The following DPYSL3 variants were observed in gnomAD, a reference collection of about 807,000 sequenced individuals.
The protein encoded by DPYSL3 is dihydropyrimidinase-related protein 3.
Under a neutral mutation model 66.1 loss-of-function variants are expected in DPYSL3, and 16 were observed. The ratio of observed to expected loss-of-function variants is 0.24; its 90% CI spans 0.16 to 0.37. The LOEUF is 0.37. DPYSL3 is among the 10% of genes least tolerant of loss of function. DPYSL3 has a pLI of 1.00. For synonymous variants in DPYSL3, 338 were observed against 345.1 expected, an observed-to-expected ratio of 0.98 and a Z score of 0.23; for missense variants, 738 against 916.2, an observed-to-expected ratio of 0.81 and a Z score of 2.51.
chr5:147,443,024 C>T (rs1005215216), intron 1 of DPYSL3, among the ~76,000 whole-genome samples: 2 of 152,162 alleles, frequency 1.3e-5, no homozygotes, highest in African/African-American at 4.8e-5. Flanking sequence ...TTGTGTCCCA[C>T]AGTAAAACAG....
chr5:147,411,013 C>T (rs1000832450), intron 6 of DPYSL3, among the ~76,000 whole-genome samples: 3 of 152,158 alleles, frequency 2.0e-5, no homozygotes, highest in African/African-American at 7.2e-5. Context: ...GATTGAAGTC[C>T]ATCTGCCTCC....
In DPYSL3 at chr5:147,392,612, A is replaced by G. The variant is rs911184698; in HGVS notation, c.*1423T>C. The G allele has an allele frequency of 1.3e-5, 2 of 152,228 alleles. No individual in the cohort carries two copies. The highest frequency in any genetic ancestry group is 2.9e-5 in the Non-Finnish European group (2 of 68,040). 9.4% of individuals were successfully genotyped at this position (152,228 alleles called of 1,614,324 possible). On this transcript the variant is annotated 3_prime_UTR_variant, in exon 14 of 14. Coordinates refer to ENST00000343218, the MANE Select transcript of DPYSL3 (RefSeq NM_001197294.2). ...TCTTGCTCACAGGACTTGCTCCAAA[A>G]CTGAATTTTCAGAAGCAGCATGATA...
chr5:147,471,180 G>A (rs1753081376), intron 1 of DPYSL3, among the ~76,000 whole-genome samples: 1 of 152,102 alleles, frequency 6.6e-6, no homozygotes, highest in South Asian at 2.1e-4. Flanking sequence ...AAGTACTAAT[G>A]GGGAGGAGGA....
rs576001769 is a variant in DPYSL3, at chr5:147,507,168, T to C, written c.381+2310A>G. On this transcript the variant is annotated intron_variant, in intron 1 of 13. Coordinates refer to ENST00000343218, the MANE Select transcript of DPYSL3 (RefSeq NM_001197294.2). Reference sequence around the variant, plus strand: ...TGTTTTTTATTAAGCTGCTGAGAGTTGGGGGTTGTTTGTTACTATGGCATC... The same window carrying C: ...TGTTTTTTATTAAGCTGCTGAGAGTCGGGGGTTGTTTGTTACTATGGCATC... Among the ~76,000 whole-genome samples the C allele has an allele frequency of 2.0e-5, 3 of 152,238 alleles. No individual in the cohort carries two copies. In the South Asian group the frequency reaches 6.2e-4, roughly 32 times the overall value.
At position 147,397,829 on chromosome 5, in the gene DPYSL3, ATGT is replaced by A; in HGVS notation, c.1637_1639del (p.Asn546del). 6.2e-7 allele frequency: 1 copy of A among 1,609,684 alleles called. No homozygotes were observed. Among genetic ancestry groups the A allele is most frequent in the Non-Finnish European group, 8.5e-7 (1 of 1,177,072 alleles). On this transcript the variant is annotated inframe_deletion, in exon 12 of 14. Transcript: ENST00000343218. ...CCCGCGCAGCTCCATCCCTTCAAAG[ATGT>A]TGTACTCTGCCGCCTAGAGGCAGGG...
intron 1 of DPYSL3, among the ~76,000 whole-genome samples, chr5:147,433,044 T>G (rs1274037667): frequency 2.0e-5 from 3 of 152,124 alleles, no homozygotes; most frequent in Admixed American, 1.3e-4. Flanking sequence ...CTCAGAAGAT[T>G]TGAAAAAGAA....
chr5:147,477,442 C>T (rs143039544), intron 1 of DPYSL3, among the ~76,000 whole-genome samples: 218 of 151,346 alleles, frequency 1.4e-3, no homozygotes, highest in African/African-American at 5.0e-3. Flanking sequence ...AAATGAAGAG[C>T]GGCAATATTC....
rs1467209822 is a variant in DPYSL3 at position 147,484,764 on chromosome 5, G to C, written c.381+24714C>G. On this transcript the variant is annotated intron_variant, in intron 1 of 13. Coordinates refer to ENST00000343218, the MANE Select transcript of DPYSL3 (RefSeq NM_001197294.2). ...TCTCCACCATGTCACACAAGACCAGGCTACAACTGCATATGATTTGACGTG... is the reference window on the plus strand; with the variant it reads ...TCTCCACCATGTCACACAAGACCAGCCTACAACTGCATATGATTTGACGTG... Among the ~76,000 whole-genome samples the C allele has an allele frequency of 2.0e-5, 3 of 152,272 alleles. No homozygotes were observed. The East Asian group carries it at 5.8e-4, about 29-fold the overall frequency.
chr5:147,487,917 C>T (rs1336235471), intron 1 of DPYSL3, among the ~76,000 whole-genome samples: 2 of 152,154 alleles, frequency 1.3e-5, no homozygotes, highest in African/African-American at 2.4e-5. Context: ...TAGTGCACTA[C>T]GATGGTCTGG....
At chr5:147,415,925 C>T (rs1751958867) in intron 3 of DPYSL3, 52 bp from the exon 4 acceptor site, 1 of 1,589,336 alleles carries the variant, frequency 6.3e-7, no homozygotes, top group Non-Finnish European at 8.6e-7. Flanking sequence ...CCTTTGCTCC[C>T]CTCTGCCCAG....
chr5:147,401,751 G>GCC (rs1196414628), intron 8 of DPYSL3, 55 bp from the exon 9 acceptor site: 5 of 1,596,130 alleles, frequency 3.1e-6, no homozygotes, highest in Non-Finnish European at 4.3e-6. Flanking sequence ...GCTGCACTGG[G>GCC]CCAAGCCTAT....
At chr5:147,495,367 T>G (rs922040830) in intron 1 of DPYSL3, among the ~76,000 whole-genome samples, 4 of 152,168 alleles carry the variant, frequency 2.6e-5, no homozygotes, top group African/African-American at 7.2e-5. Context: ...TCACCACTCC[T>G]ATTCAACATA....
At chr5:147,461,322 C>G (rs1379917952) in intron 1 of DPYSL3, among the ~76,000 whole-genome samples, 1 of 152,152 alleles carries the variant, frequency 6.6e-6, no homozygotes, top group Non-Finnish European at 1.5e-5. Flanking sequence ...GTTTTCATGC[C>G]TTATGCAAAT....
At chr5:147,411,501 TC>T (rs1359165250) in intron 6 of DPYSL3, among the ~76,000 whole-genome samples, 1 of 152,212 alleles carries the variant, frequency 6.6e-6, no homozygotes, top group African/African-American at 2.4e-5. Context: ...TTTGCTGTGA[TC>T]CTTGGGCCAG....
chr5:147,441,452 T>G (rs987765772), intron 1 of DPYSL3, among the ~76,000 whole-genome samples: 15 of 152,278 alleles, frequency 9.9e-5, no homozygotes, highest in South Asian at 2.1e-4. Flanking sequence ...CCTAATGACC[T>G]CATTTAACTT....
intron 1 of DPYSL3, among the ~76,000 whole-genome samples, chr5:147,487,524 T>C (rs1415075465): frequency 6.6e-6 from 1 of 152,168 alleles, no homozygotes; most frequent in African/African-American, 2.4e-5. Context: ...TTTTCTTTTA[T>C]TCAAGACCAG....
At chr5:147,480,983 A>G (rs1179652039) in intron 1 of DPYSL3, among the ~76,000 whole-genome samples, 1 of 152,042 alleles carries the variant, frequency 6.6e-6, no homozygotes, top group African/African-American at 2.4e-5. Context: ...TGGCCTCCCA[A>G]AGTGCTGGAA....
chr5:147,394,166 G>T, intron 13 of DPYSL3, 43 bp from the exon 14 acceptor site: 1 of 1,597,588 alleles, frequency 6.3e-7, no homozygotes, highest in Non-Finnish European at 8.6e-7. Context: ...AAAAAACAGA[G>T]TGGCGGGTAG....
At chr5:147,414,614 CAGGCTCTTTGATAA>C (rs1751923989) in intron 4 of DPYSL3, among the ~76,000 whole-genome samples, 1 of 152,184 alleles carries the variant, frequency 6.6e-6, no homozygotes, top group South Asian at 2.1e-4. Flanking sequence ...TGGAATGATC[CAGGCTCTTTGATAA>C]AGAAGTGAGT....
Sources: allele counts gnomAD v4.1 joint callset (sites outside exome capture counted in the v4.1 genomes callset), GRCh38; gene constraint gnomAD v4.1.1; transcripts MANE v1.5; gene names NCBI Gene and HGNC (gene_info 2026-07-23, HGNC 2026-07-21).